The following IL1RAPL1 variants were observed in gnomAD, a reference collection of about 807,000 sequenced individuals.
IL1RAPL1 encodes interleukin 1 receptor accessory protein like 1, also known as interleukin-1 receptor accessory protein-like 1.
Under a neutral mutation model 48.4 loss-of-function variants are expected in IL1RAPL1, and 3 were observed. That is an observed-to-expected ratio of 0.06 (90% CI 0.03 to 0.16). The LOEUF (loss-of-function observed/expected upper bound fraction) is 0.16, where lower values mean the gene tolerates loss of function less well. IL1RAPL1 is among the 10% of genes least tolerant of loss of function. IL1RAPL1 has a pLI of 1.00. For missense variants in IL1RAPL1, 349 were observed against 530.6 expected (o/e 0.66, Z 3.36); for synonymous variants, 185 against 187.7 (o/e 0.99, Z 0.12).
At chrX:29,029,257 C>T (rs781171870) in intron 2 of IL1RAPL1, among the ~76,000 whole-genome samples, 1 of 111,034 alleles carries the variant, frequency 9.0e-6, no homozygotes, top group Non-Finnish European at 1.9e-5. Context: ...TGGGTGGGGA[C>T]ACAGCCAAAC....
At chrX:28,821,146 A>G (rs745859793) in intron 2 of IL1RAPL1, among the ~76,000 whole-genome samples, 1 of 111,822 alleles carries the variant, frequency 8.9e-6, no homozygotes, top group Non-Finnish European at 1.9e-5. Context: ...AAATTGAAAC[A>G]TTTTAACTTG....
chrX:29,243,910 A>C (rs986696676), intron 2 of IL1RAPL1, among the ~76,000 whole-genome samples: 16 of 111,321 alleles, frequency 1.4e-4, no homozygotes, highest in South Asian at 3.8e-4. Context: ...AAGGGTCTTG[A>C]ATTGTGAAAG....
chrX:29,689,455 A>G (rs1926718507), intron 6 of IL1RAPL1, among the ~76,000 whole-genome samples: 1 of 112,568 alleles, frequency 8.9e-6, no homozygotes, highest in African/African-American at 3.2e-5. Context: ...TCATGCATTT[A>G]TCAAGCACTT....
At chrX:29,816,173 T>C (rs1930489414) in intron 6 of IL1RAPL1, among the ~76,000 whole-genome samples, 2 of 111,136 alleles carry the variant, frequency 1.8e-5, no homozygotes, top group South Asian at 7.4e-4. Context: ...AATAGACTAC[T>C]AGTTAGATCA....
At chrX:28,862,269 C>A (rs1373513392) in intron 2 of IL1RAPL1, among the ~76,000 whole-genome samples, 2 of 111,741 alleles carry the variant, frequency 1.8e-5, no homozygotes, top group Admixed American at 1.9e-4. Context: ...ATAATGCTAT[C>A]ATTGTTAGCA....
intron 1 of IL1RAPL1, among the ~76,000 whole-genome samples, chrX:28,767,531 G>T (rs888301553): frequency 9.0e-6 from 1 of 110,819 alleles, no homozygotes; most frequent in African/African-American, 3.3e-5. Context: ...TTTTAATTAG[G>T]GATTTTTTTT....
At chrX:28,993,494 GGATT>G (rs1425952428) in intron 2 of IL1RAPL1, among the ~76,000 whole-genome samples, 9 of 111,585 alleles carry the variant, frequency 8.1e-5, no homozygotes, top group African/African-American at 2.6e-4. Flanking sequence ...GCTTACTGAT[GGATT>G]GATTGTGAGA....
intron 1 of IL1RAPL1, among the ~76,000 whole-genome samples, chrX:28,721,316 GT>G (rs1935574985): frequency 8.9e-6 from 1 of 111,830 alleles, no homozygotes; most frequent in African/African-American, 3.3e-5. Flanking sequence ...TCTCATTGTG[GT>G]TTTGATTTGC....
intron 2 of IL1RAPL1, among the ~76,000 whole-genome samples, chrX:29,269,544 C>T (rs1437933358): frequency 1.8e-5 from 2 of 110,490 alleles, no homozygotes; most frequent in Non-Finnish European, 3.8e-5. Context: ...TTTCTACTTA[C>T]CTTGATTATT....
At chrX:28,708,125 A>G (rs1935397570) in intron 1 of IL1RAPL1, among the ~76,000 whole-genome samples, 1 of 111,822 alleles carries the variant, frequency 8.9e-6, no homozygotes, top group African/African-American at 3.3e-5. Flanking sequence ...TGAGGAATTA[A>G]GGCAAGTAGC....
rs186095584 is a variant in IL1RAPL1 at position 29,057,287 on chromosome X, C to A, written c.83-225651C>A. Among the ~76,000 whole-genome samples, 13 of 111,808 alleles carry A rather than the reference C, an allele frequency of 1.2e-4. No homozygotes were observed. The East Asian group carries it at 3.4e-3, about 29-fold the overall frequency. On this transcript the variant is annotated intron_variant, in intron 2 of 10. Coordinates refer to ENST00000378993, the MANE Select transcript of IL1RAPL1 (RefSeq NM_014271.4). ...TTTACTCAAGTCTCCTGGGCTTATACATTTTTTAGTCTTTGATAATCTATA... is the reference window on the plus strand; with the variant it reads ...TTTACTCAAGTCTCCTGGGCTTATAAATTTTTTAGTCTTTGATAATCTATA...
At chrX:29,433,247 G>A (rs1159235853) in intron 5 of IL1RAPL1, among the ~76,000 whole-genome samples, 1 of 110,527 alleles carries the variant, frequency 9.0e-6, no homozygotes, top group Non-Finnish European at 1.9e-5. Context: ...GGTGACCACT[G>A]TTTGCCTTTA....
intron 5 of IL1RAPL1, among the ~76,000 whole-genome samples, chrX:29,603,036 C>A (rs369787980): frequency 1.8e-5 from 2 of 111,386 alleles, no homozygotes; most frequent in African/African-American, 6.5e-5. Context: ...GAGGCCGAGG[C>A]GGGTGGATCA....
At chrX:28,680,841 A>T (rs1405548252) in intron 1 of IL1RAPL1, among the ~76,000 whole-genome samples, 3 of 111,622 alleles carry the variant, frequency 2.7e-5, no homozygotes, top group African/African-American at 9.8e-5. Flanking sequence ...TTAATATGTT[A>T]TTAAATTTAG....
In IL1RAPL1 at chrX:29,803,076, CATATATGTGTATATGT is replaced by C. The variant is rs1569173561; in HGVS notation, c.779-114384_779-114369del. ...GTACATATATATGTATGCATGTATA[CATATATGTGTATATGT>C]ATACATGTATACATATATGTATATA... is the stretch of plus-strand genomic sequence containing the variant. On this transcript the variant is annotated intron_variant, in intron 6 of 10. Coordinates refer to ENST00000378993, the MANE Select transcript of IL1RAPL1 (RefSeq NM_014271.4). Among the ~76,000 whole-genome samples the C allele has an allele frequency of 1.0e-3, 85 of 84,934 alleles. 3 individuals carry two copies. The highest frequency in any genetic ancestry group is 3.6e-3 in the African/African-American group (81 of 22,229). 73.8% of individuals were successfully genotyped at this position (84,934 alleles called of 115,157 possible).
intron 3 of IL1RAPL1, among the ~76,000 whole-genome samples, chrX:29,310,019 G>A (rs1250911708): frequency 5.3e-5 from 5 of 94,660 alleles, no homozygotes; most frequent in South Asian, 5.5e-4. Context: ...GCGTGAAACC[G>A]GGAGGCAGAG....
chrX:29,145,444 A>T (rs1480599430), intron 2 of IL1RAPL1, among the ~76,000 whole-genome samples: 2 of 112,502 alleles, frequency 1.8e-5, no homozygotes, highest in Admixed American at 1.9e-4. Context: ...AATGCAAATG[A>T]TTACTTTTAC....
intron 6 of IL1RAPL1, among the ~76,000 whole-genome samples, chrX:29,720,103 A>G (rs1450428893): frequency 8.9e-6 from 1 of 112,007 alleles, no homozygotes; most frequent in Non-Finnish European, 1.9e-5. Flanking sequence ...TCAGGAAACA[A>G]CAGATGCTGG....
chrX:29,618,564 A>C (rs1924363749), intron 5 of IL1RAPL1, among the ~76,000 whole-genome samples: 1 of 111,486 alleles, frequency 9.0e-6, no homozygotes, highest in Non-Finnish European at 1.9e-5. Flanking sequence ...TAGAGGCTGC[A>C]TTTTCTTAGC....
Sources: gnomAD v4.1 joint callset for allele counts (sites outside exome capture counted in the v4.1 genomes callset) on GRCh38, gnomAD v4.1.1 for gene constraint, MANE v1.5 for transcripts, NCBI Gene and HGNC (gene_info 2026-07-23, HGNC 2026-07-21) for gene names.